LHFPL6: variants seen among roughly 807,000 people sequenced by gnomAD.
LHFPL6 encodes LHFPL tetraspan subfamily member 6.
LHFPL6 carries 9 observed loss-of-function variants against 20.6 expected under a neutral mutation model. The ratio of observed to expected loss-of-function variants is 0.44; its 90% CI spans 0.26 to 0.76. The LOEUF (loss-of-function observed/expected upper bound fraction) is 0.76, where lower values mean the gene tolerates loss of function less well. Ranked by LOEUF, LHFPL6 falls within the 30% of genes least tolerant of loss-of-function variation. The pLI is 0.20. For synonymous variants in LHFPL6, 105 were observed against 98.7 expected, an observed-to-expected ratio of 1.06 and a Z score of -0.38; for missense variants, 218 against 253.5, an observed-to-expected ratio of 0.86 and a Z score of 0.95.
At chr13:39,446,703 T>C (rs1872301473) in intron 2 of LHFPL6, among the ~76,000 whole-genome samples, 1 of 152,054 alleles carries the variant, frequency 6.6e-6, no homozygotes. Context: ...CAAAGTACTC[T>C]AGTTAAGTGG....
At chr13:39,580,764 A>G (rs1190875132) in intron 2 of LHFPL6, among the ~76,000 whole-genome samples, 1 of 152,218 alleles carries the variant, frequency 6.6e-6, no homozygotes, top group African/African-American at 2.4e-5. Flanking sequence ...TATTACTATT[A>G]GGACCTAATA....
At chr13:39,593,485 A>C (rs1477254768) in intron 2 of LHFPL6, among the ~76,000 whole-genome samples, 1 of 152,042 alleles carries the variant, frequency 6.6e-6, no homozygotes, top group Non-Finnish European at 1.5e-5. Flanking sequence ...AAATGGAAGA[A>C]CATTCCATGC....
intron 2 of LHFPL6, among the ~76,000 whole-genome samples, chr13:39,407,715 T>C (rs1871148441): frequency 6.6e-6 from 1 of 152,228 alleles, no homozygotes; most frequent in South Asian, 2.1e-4. Flanking sequence ...ACTTTAATAT[T>C]AACTGAGCCA....
intron 2 of LHFPL6, among the ~76,000 whole-genome samples, chr13:39,446,537 T>C (rs924399655): frequency 2.0e-5 from 3 of 151,740 alleles, no homozygotes; most frequent in Admixed American, 6.6e-5. Context: ...CTGAGAGAAC[T>C]GGGCCAGGGT....
chr13:39,587,714 A>G (rs1872493478), intron 2 of LHFPL6, among the ~76,000 whole-genome samples: 1 of 152,118 alleles, frequency 6.6e-6, no homozygotes, highest in African/African-American at 2.4e-5. Context: ...AAGGCCAAAC[A>G]GGAGCTAAAG....
At chr13:39,380,997 T>C (rs1870424342) in intron 2 of LHFPL6, among the ~76,000 whole-genome samples, 1 of 152,178 alleles carries the variant, frequency 6.6e-6, no homozygotes, top group African/African-American at 2.4e-5. Flanking sequence ...TTTATTTCAT[T>C]ATATAATCAC....
chr13:39,513,630 T>C (rs186004568), intron 2 of LHFPL6, among the ~76,000 whole-genome samples: 2 of 152,358 alleles, frequency 1.3e-5, no homozygotes, highest in Non-Finnish European at 2.9e-5. Flanking sequence ...TTCCAGTTAC[T>C]ATATCAGGAG....
intron 2 of LHFPL6, among the ~76,000 whole-genome samples, chr13:39,461,767 A>G (rs1872692788): frequency 6.6e-6 from 1 of 152,170 alleles, no homozygotes; most frequent in Non-Finnish European, 1.5e-5. Context: ...CTACCCAGAA[A>G]CCTGCTGCTG....
chr13:39,457,579 C>T (rs2148933), intron 2 of LHFPL6, among the ~76,000 whole-genome samples: 84,060 of 152,036 alleles, frequency 0.55, 24,446 homozygotes, highest in East Asian at 0.9. Context: ...CAATTTCTTA[C>T]AATATTAAAG....
At chr13:39,540,502 T>C (rs368252053) in intron 2 of LHFPL6, among the ~76,000 whole-genome samples, 110 of 152,264 alleles carry the variant, frequency 7.2e-4, no homozygotes, top group African/African-American at 2.5e-3. Flanking sequence ...ATGAAATGTA[T>C]GCTAATTTGA....
At chr13:39,391,497 T>C (rs989916736) in intron 2 of LHFPL6, among the ~76,000 whole-genome samples, 1 of 152,222 alleles carries the variant, frequency 6.6e-6, no homozygotes, top group Non-Finnish European at 1.5e-5. Context: ...TGTGTGTATG[T>C]GTGTATAAAA....
chr13:39,392,044 T>A (rs187037188), intron 2 of LHFPL6, among the ~76,000 whole-genome samples: 33 of 152,218 alleles, frequency 2.2e-4, no homozygotes, highest in Admixed American at 2.0e-4. Flanking sequence ...CCCAAACAAG[T>A]TTTGAAAGTA....
At chr13:39,369,631 C>T (rs1870116134) in intron 3 of LHFPL6, among the ~76,000 whole-genome samples, 3 of 140,944 alleles carry the variant, frequency 2.1e-5, no homozygotes, top group Admixed American at 1.4e-4. Flanking sequence ...TCCCCCTTTC[C>T]TTTCCTCTCA....
At chr13:39,467,797 C>T (rs910786310) in intron 2 of LHFPL6, among the ~76,000 whole-genome samples, 1 of 152,070 alleles carries the variant, frequency 6.6e-6, no homozygotes, top group African/African-American at 2.4e-5. Context: ...TCATTCACTC[C>T]CCCTAAAAAT....
chr13:39,418,277 T>C (rs1421008190), intron 2 of LHFPL6, among the ~76,000 whole-genome samples: 1 of 152,114 alleles, frequency 6.6e-6, no homozygotes, highest in African/African-American at 2.4e-5. Flanking sequence ...TCAATGAACT[T>C]AAAGAACAAA....
At chr13:39,437,305 G>A (rs1871984461) in intron 2 of LHFPL6, among the ~76,000 whole-genome samples, 1 of 152,140 alleles carries the variant, frequency 6.6e-6, no homozygotes, top group Admixed American at 6.5e-5. Flanking sequence ...TTGGATCATG[G>A]GGGCAGTTTC....
intron 2 of LHFPL6, among the ~76,000 whole-genome samples, chr13:39,432,169 G>A (rs1871829047): frequency 6.6e-6 from 1 of 152,146 alleles, no homozygotes; most frequent in African/African-American, 2.4e-5. Flanking sequence ...GGACTTCCCA[G>A]CCTCCAACTG....
intron 2 of LHFPL6, among the ~76,000 whole-genome samples, chr13:39,575,032 C>T (rs1208455202): frequency 6.6e-6 from 1 of 152,022 alleles, no homozygotes; most frequent in Non-Finnish European, 1.5e-5. Context: ...GATAGCGCTA[C>T]TGCACTTTGG....
chr13:39,460,257 T>C (rs1012764619), intron 2 of LHFPL6, among the ~76,000 whole-genome samples: 2 of 152,188 alleles, frequency 1.3e-5, no homozygotes, highest in South Asian at 4.1e-4. Context: ...AAGTTAAGGT[T>C]CAAGAATACA....
Sources: gnomAD v4.1 joint callset for allele counts (sites outside exome capture counted in the v4.1 genomes callset) on GRCh38, gnomAD v4.1.1 for gene constraint, MANE v1.5 for transcripts, NCBI Gene and HGNC (gene_info 2026-07-23, HGNC 2026-07-21) for gene names.